RASGRP2: variants seen among roughly 807,000 people sequenced by gnomAD.
The protein encoded by RASGRP2 is RAS guanyl releasing protein 2, also known as RAS guanyl-releasing protein 2.
RASGRP2 carries 44 observed loss-of-function variants against 71.0 expected under a neutral mutation model. The ratio of observed to expected loss-of-function variants is 0.62; its 90% CI spans 0.49 to 0.80. The LOEUF (loss-of-function observed/expected upper bound fraction) is 0.80, where lower values mean the gene tolerates loss of function less well. RASGRP2 is among the 30% of genes least tolerant of loss of function. RASGRP2 has a pLI of 0.00. For missense variants in RASGRP2, 663 were observed against 813.4 expected (o/e 0.82, Z 2.25); for synonymous variants, 350 against 330.7 (o/e 1.06, Z -0.63).
chr11:64,740,028 G>T lies in RASGRP2; in HGVS notation c.507C>A (p.Ser169=). 2 of 1,614,110 alleles carry T rather than the reference G, an allele frequency of 1.2e-6. No individual in the cohort carries two copies. Among genetic ancestry groups the T allele is most frequent in the South Asian group, 2.2e-5 (2 of 91,082 alleles). ...CGGGCCGCACCAGGATCTTGCAGAA[G>T]GAGCGATACTCCAAGTAGGTGAGAT... ...AEHLTYLEYR[S]FCKILFQDYH... The change falls in exon 6 of 17, where the codon TCC becomes TCA. Residue 169 remains serine (S), a synonymous_variant. Transcript: ENST00000394432.
chr11:64,736,053 C>T, intron 9 of RASGRP2, 73 bp from the exon 10 acceptor site: 1 of 1,252,370 alleles, frequency 8.0e-7, no homozygotes, highest in Non-Finnish European at 1.1e-6. Context: ...AAAGGTCGAC[C>T]TAGAGGCCAC....
At chr11:64,729,898 A>C in intron 13 of RASGRP2, 100 bp from the exon 14 acceptor site, 1 of 1,572,422 alleles carries the variant, frequency 6.4e-7, no homozygotes, top group African/African-American at 1.4e-5. Flanking sequence ...AGCCCGCCTC[A>C]GGGCCCCGGG....
chr11:64,733,395 AACACACACACACACACAC>A (rs4014428), intron 12 of RASGRP2, among the ~76,000 whole-genome samples: 23 of 124,892 alleles, frequency 1.8e-4, no homozygotes, highest in South Asian at 2.9e-4. Flanking sequence ...CCCCCTCACC[AACACACACACACACACAC>A]ACACACACAC....
chr11:64,743,443 G>A lies in RASGRP2; in HGVS notation c.-71-506C>T, dbSNP rs568373852. 49 of 350,870 alleles carry A rather than the reference G, an allele frequency of 1.4e-4. No individual in the cohort carries two copies. The highest frequency in any genetic ancestry group is 8.9e-4 in the South Asian group (43 of 48,210). 21.7% of individuals were successfully genotyped at this position (350,870 alleles called of 1,614,324 possible). ...CGTCCTGCCCGCCTCGCCCCCTCCC[G>A]GGAGCCCAGGAAGGCGAGGCGGGGC... On this transcript the variant is annotated intron_variant, in intron 1 of 16. Coordinates refer to ENST00000394432, the MANE Select transcript of RASGRP2 (RefSeq NM_001098671.2). The surrounding 1 kb of genome is among the most constrained non-coding windows in gnomAD (Gnocchi z 4.9).
At position 64,741,426 on chromosome 11, in the gene RASGRP2, G is replaced by T; in HGVS notation, c.239+13C>A. The T allele has an allele frequency of 6.5e-7, 1 of 1,542,404 alleles. No homozygotes were observed. On this transcript the variant is annotated intron_variant, in intron 4 of 16. Coordinates refer to ENST00000394432, the MANE Select transcript of RASGRP2 (RefSeq NM_001098671.2). ...GAAAGGGGAGGGGCTAGAGCCCCAG[G>T]GGAAAGACTCACCTGACCAGGTGGC...
rs1038582155 is a variant in RASGRP2, at chr11:64,742,305, C to T, written c.74-193G>A. The stretch of plus-strand genomic sequence containing the variant: ...GTGTGGTGGGCGAGAGATAGGCACG[C>T]CCTGAGGACTGGAGGAGGGGAGCGC... On this transcript the variant is annotated intron_variant, in intron 2 of 16. Coordinates refer to ENST00000394432, the MANE Select transcript of RASGRP2 (RefSeq NM_001098671.2). This position sits in a 1 kb window ranked among gnomAD's most constrained non-coding sequence, Gnocchi z 4.7. Among the ~76,000 whole-genome samples the T allele has an allele frequency of 5.9e-5, 9 of 152,034 alleles. No individual in the cohort carries two copies. The highest frequency in any genetic ancestry group is 2.2e-4 in the African/African-American group (9 of 41,396).
At position 64,727,009 on chromosome 11, in the gene RASGRP2, C is replaced by T. The variant is rs3725; in HGVS notation, c.*129G>A. 1 of 436,518 alleles carries T rather than the reference C, an allele frequency of 2.3e-6. No homozygotes were observed. The highest frequency in any genetic ancestry group is 3.4e-5 in the Admixed American group (1 of 29,038). 27.0% of individuals were successfully genotyped at this position (436,518 alleles called of 1,614,324 possible). On this transcript the variant is annotated 3_prime_UTR_variant, in exon 17 of 17. Coordinates refer to ENST00000394432, the MANE Select transcript of RASGRP2 (RefSeq NM_001098671.2). ...GGGACACCAGCCCTGGCCCTGCCCTCAGCTGCATGCCACCCTCATATCCCA... is the reference window on the plus strand; with the variant it reads ...GGGACACCAGCCCTGGCCCTGCCCTTAGCTGCATGCCACCCTCATATCCCA...
At chr11:64,728,722 C>G in intron 15 of RASGRP2, 141 bp downstream of exon 15, 1 of 982,326 alleles carries the variant, frequency 1.0e-6, no homozygotes, top group South Asian at 1.8e-5. Flanking sequence ...CGTGAGCCAC[C>G]GCGCCCGGCC....
In RASGRP2 at chr11:64,741,468, G is replaced by T. The variant is rs2058119092; in HGVS notation, c.210C>A (p.Ser70=). ...YQQSRKDNSN[S]LQVKTCHLVR... is the part of the protein sequence containing the mutation. ...CCAGGTGGCACGTTTTCACCTGCAG[G>T]GAATTGGAGTTGTCCTTCCGGGATT... Residue 70 remains serine (S), a synonymous_variant, in exon 4 of 17, where the codon TCC becomes TCA. Transcript: ENST00000394432. The T allele has an allele frequency of 6.3e-7, 1 of 1,579,578 alleles. No individual in the cohort carries two copies.
intron 8 of RASGRP2, among the ~76,000 whole-genome samples, chr11:64,737,423 C>A (rs1198855287): frequency 6.6e-6 from 1 of 152,096 alleles, no homozygotes; most frequent in Non-Finnish European, 1.5e-5. Flanking sequence ...GTAATCTCAG[C>A]ACTTTGGGAG....
chr11:64,743,104 C>A lies in RASGRP2; in HGVS notation c.-71-167G>T. 1.3e-6 allele frequency: 1 copy of A among 790,612 alleles called. No individual in the cohort carries two copies. The highest frequency in any genetic ancestry group is 1.5e-5 in the South Asian group (1 of 68,730). 49.0% of individuals were successfully genotyped at this position (790,612 alleles called of 1,614,324 possible). On this transcript the variant is annotated intron_variant, in intron 1 of 16. Transcript: ENST00000394432. The surrounding 1 kb of genome is among the most constrained non-coding windows in gnomAD (Gnocchi z 4.9). ...GTCTGGCCCGGGATGGTGCAACCCG[C>A]CAGTTGGGAAACGGACCCGCAGAGA...
intron 12 of RASGRP2, among the ~76,000 whole-genome samples, chr11:64,733,931 A>C (rs1422017607): frequency 1.4e-5 from 2 of 147,152 alleles, no homozygotes; most frequent in East Asian, 4.0e-4. Flanking sequence ...AGCTCACTGC[A>C]GTCTCAACCT....
chr11:64,743,526 T>TTC lies in RASGRP2; in HGVS notation c.-72+475_-72+476dup, dbSNP rs2058212036. ...AGGCGGACTGGATGGGAGAGGAACA[T>TTC]TCCTGGGGCGGGGGGAGCCCGCTGC... On this transcript the variant is annotated intron_variant, in intron 1 of 16. Transcript: ENST00000394432. This position sits in a 1 kb window ranked among gnomAD's most constrained non-coding sequence, Gnocchi z 4.9. The TTC allele has an allele frequency of 3.0e-6, 1 of 338,552 alleles. No homozygotes were observed. The highest frequency in any genetic ancestry group is 9.9e-5 in the East Asian group (1 of 10,080). The allele number at this position is 338,552 out of a possible 1,614,324, so 21.0% of individuals were successfully genotyped here. A position where few individuals can be genotyped will look rare whatever the true frequency, so the allele number is the denominator to read the frequency against.
In RASGRP2 at chr11:64,742,159, T is replaced by C. The variant is rs1461586065; in HGVS notation, c.74-47A>G. 1 of 1,441,436 alleles carries C rather than the reference T, an allele frequency of 6.9e-7. No homozygotes were observed. Among genetic ancestry groups the C allele is most frequent in the South Asian group, 1.2e-5 (1 of 82,010 alleles). The allele number at this position is 1,441,436 out of a possible 1,614,324, so 89.3% of individuals were successfully genotyped here. On this transcript the variant is annotated intron_variant, in intron 2 of 16. Transcript: ENST00000394432. The surrounding 1 kb of genome is among the most constrained non-coding windows in gnomAD (Gnocchi z 4.7). ...CAGGTGGCTGAGCTGGGTCCGCAGCTACCATGCCTCATCCTCACCCCGCAA... is the reference window on the plus strand; with the variant it reads ...CAGGTGGCTGAGCTGGGTCCGCAGCCACCATGCCTCATCCTCACCCCGCAA...
At chr11:64,734,766 A>T (rs1388426976) in intron 12 of RASGRP2, among the ~76,000 whole-genome samples, 2 of 152,174 alleles carry the variant, frequency 1.3e-5, no homozygotes, top group Non-Finnish European at 2.9e-5. Context: ...AACCTTTCTT[A>T]TCTATTCATT....
chr11:64,744,217 C>CT (rs2058235674), upstream of RASGRP2: 1 of 985,816 alleles, frequency 1.0e-6, no homozygotes, highest in African/African-American at 1.7e-5. Flanking sequence ...CGTCGCCCCC[C>CT]TCCCATTTGC....
chr11:64,736,827 G>T lies in RASGRP2; in HGVS notation c.1021C>A (p.Leu341Met), dbSNP rs750264906. ...CTGGTCACCATGGCCAGCTCCTCCAGGATGCTAAAGAGCTGCTTCATCTTG... is the reference window on the plus strand; with the variant it reads ...CTGGTCACCATGGCCAGCTCCTCCATGATGCTAAAGAGCTGCTTCATCTTG... ...GAKMKQLFSI[L>M]EELAMVTSLR... The change falls in exon 9 of 17, where the codon CTG (leucine) becomes ATG (methionine). Residue 341 changes from leucine to methionine, a missense_variant. Transcript: ENST00000394432. The T allele has an allele frequency of 3.1e-6, 5 of 1,612,572 alleles. No homozygotes were observed. The African/African-American group carries it at 6.7e-5, about 22-fold the overall frequency.
In RASGRP2 at chr11:64,728,975, C is replaced by G. The variant is rs1241189917; in HGVS notation, c.1659G>C (p.Gln553His). Residue 553 changes from glutamine to histidine, a missense_variant, in exon 15 of 17, where the codon CAG (glutamine) becomes CAC (histidine). By Grantham distance (24) the Gln-to-His change is conservative (BLOSUM62 0). Coordinates refer to ENST00000394432, the MANE Select transcript of RASGRP2 (RefSeq NM_001098671.2). Reference protein sequence around the residue: ...RLSVECRRRAQSVSLEGSAPS... With the variant: ...RLSVECRRRAHSVSLEGSAPS... Reference sequence around the variant, plus strand: ...GTGCAGACCCCTCCAGGCTCACACTCTGGGCCCTGCGCCGACACTCAACTG... The same window carrying G: ...GTGCAGACCCCTCCAGGCTCACACTGTGGGCCCTGCGCCGACACTCAACTG... 8 of 1,610,684 alleles carry G rather than the reference C, an allele frequency of 5.0e-6. No individual in the cohort carries two copies. The highest frequency in any genetic ancestry group is 1.3e-5 in the African/African-American group (1 of 74,916).
At chr11:64,728,077 A>G (rs2057631374) in intron 15 of RASGRP2, among the ~76,000 whole-genome samples, 1 of 152,202 alleles carries the variant, frequency 6.6e-6, no homozygotes, top group Non-Finnish European at 1.5e-5. Flanking sequence ...CCAGTTTAAC[A>G]TAGTTGTTCG....
Sources: allele counts gnomAD v4.1 joint callset (sites outside exome capture counted in the v4.1 genomes callset), GRCh38; gene constraint gnomAD v4.1.1; non-coding constraint Gnocchi (gnomAD v3.1); transcripts MANE v1.5; gene names NCBI Gene and HGNC (gene_info 2026-07-23, HGNC 2026-07-21).